CSMD2: variants seen among roughly 807,000 people sequenced by gnomAD.
CSMD2 encodes the protein CUB and Sushi multiple domains 2.
A neutral mutation model predicts 398.5 loss-of-function variants in CSMD2; 130 were observed. The ratio of observed to expected loss-of-function variants is 0.33; its 90% CI spans 0.28 to 0.38. CSMD2 has a LOEUF of 0.38. Ranked by LOEUF, CSMD2 falls within the 10% of genes least tolerant of loss-of-function variation. CSMD2 has a pLI of 1.00. For missense variants in CSMD2, 3,829 were observed against 4,764.9 expected, an observed-to-expected ratio of 0.80 and a Z score of 5.78; for synonymous variants, 1,828 against 1,908.5, an observed-to-expected ratio of 0.96 and a Z score of 1.10.
At chr1:33,697,867 C>T (rs1222215532) in intron 24 of CSMD2, among the ~76,000 whole-genome samples, 2 of 152,216 alleles carry the variant, frequency 1.3e-5, no homozygotes, top group Non-Finnish European at 2.9e-5. Context: ...CCCAGACATA[C>T]ATGTGCACCA....
At chr1:33,913,933 C>T (rs1319651498) in intron 5 of CSMD2, among the ~76,000 whole-genome samples, 1 of 152,000 alleles carries the variant, frequency 6.6e-6, no homozygotes, top group Non-Finnish European at 1.5e-5. Flanking sequence ...ATTTTCTCAA[C>T]CAATGGAGAG....
At chr1:33,938,889 T>C (rs574151937) in intron 3 of CSMD2, among the ~76,000 whole-genome samples, 1 of 152,242 alleles carries the variant, frequency 6.6e-6, no homozygotes, top group Admixed American at 6.5e-5. Flanking sequence ...CCCATGTTGC[T>C]GGCTTACTTG....
At chr1:33,668,213 G>C (rs902562431) in intron 25 of CSMD2, among the ~76,000 whole-genome samples, 6 of 152,216 alleles carry the variant, frequency 3.9e-5, no homozygotes, top group Admixed American at 3.3e-4. Context: ...GGCAGGGGCA[G>C]GGCTGGCGGG....
At chr1:33,765,650 G>A (rs1371709935) in intron 13 of CSMD2, among the ~76,000 whole-genome samples, 1 of 152,136 alleles carries the variant, frequency 6.6e-6, no homozygotes, top group African/African-American at 2.4e-5. Context: ...GAATAACTTT[G>A]TCAGCTTTGA....
At chr1:33,924,207 TAA>T (rs532682769) in intron 4 of CSMD2, among the ~76,000 whole-genome samples, 1 of 145,716 alleles carries the variant, frequency 6.9e-6, no homozygotes. Context: ...TTCACTCTTC[TAA>T]AAAAAAAAAA....
intron 1 of CSMD2, 79 bp from the exon 2 acceptor site, chr1:34,089,272 A>G: frequency 1.5e-6 from 2 of 1,364,068 alleles, no homozygotes; most frequent in Non-Finnish European, 2.0e-6. Context: ...GCAATGTGTT[A>G]GCAAATCATG....
intron 12 of CSMD2, among the ~76,000 whole-genome samples, chr1:33,788,223 C>T (rs1327128087): frequency 6.6e-6 from 1 of 151,944 alleles, no homozygotes; most frequent in African/African-American, 2.4e-5. Flanking sequence ...ACCAGGATCC[C>T]GTGGCCGGGC....
intron 6 of CSMD2, among the ~76,000 whole-genome samples, chr1:33,827,712 T>C (rs938871770): frequency 1.3e-5 from 2 of 152,228 alleles, no homozygotes; most frequent in Non-Finnish European, 2.9e-5. Flanking sequence ...CCTTATACTT[T>C]CAACAACCTT....
intron 64 of CSMD2, among the ~76,000 whole-genome samples, chr1:33,531,130 A>G (rs1171962446): frequency 1.3e-5 from 2 of 152,232 alleles, no homozygotes; most frequent in African/African-American, 2.4e-5. Context: ...TGGCAAGTAT[A>G]TGAAGTTAAT....
intron 44 of CSMD2, chr1:33,592,301 A>G (rs1416702601): frequency 4.3e-6 from 3 of 704,640 alleles, no homozygotes; most frequent in Non-Finnish European, 7.9e-6. Flanking sequence ...TTGGATTTTT[A>G]TCTTTTCAGG....
intron 15 of CSMD2, among the ~76,000 whole-genome samples, chr1:33,728,269 CAA>C (rs1404380853): frequency 6.6e-6 from 1 of 151,962 alleles, no homozygotes; most frequent in Non-Finnish European, 1.5e-5. Flanking sequence ...TCTCTCTCTG[CAA>C]AGTTTTGTAG....
chr1:33,933,517 A>T (rs1644376383), intron 4 of CSMD2, among the ~76,000 whole-genome samples: 1 of 152,218 alleles, frequency 6.6e-6, no homozygotes, highest in Non-Finnish European at 1.5e-5. Context: ...TTCATAACTT[A>T]GACACTTGAT....
At chr1:33,956,224 A>G (rs1023934306) in intron 3 of CSMD2, among the ~76,000 whole-genome samples, 12 of 151,898 alleles carry the variant, frequency 7.9e-5, no homozygotes. Flanking sequence ...AAAAAAAAGA[A>G]TATTCACATT....
At chr1:33,876,534 G>T (rs112007049) in intron 5 of CSMD2, among the ~76,000 whole-genome samples, 1 of 152,216 alleles carries the variant, frequency 6.6e-6, no homozygotes, top group Non-Finnish European at 1.5e-5. Context: ...GCCAGGCACT[G>T]TTCTAAGTCC....
chr1:33,800,124 A>T (rs1033274069), intron 10 of CSMD2, among the ~76,000 whole-genome samples: 3 of 152,174 alleles, frequency 2.0e-5, no homozygotes, highest in Non-Finnish European at 4.4e-5. Flanking sequence ...TGAGCCCCTG[A>T]GGGCTGACCT....
intron 25 of CSMD2, among the ~76,000 whole-genome samples, chr1:33,674,432 A>G (rs968332884): frequency 6.6e-6 from 1 of 152,170 alleles, no homozygotes; most frequent in African/African-American, 2.4e-5. Context: ...TATGCACCCA[A>G]TACAGGAGCA....
chr1:33,871,416 G>C (rs1434069455), intron 5 of CSMD2, among the ~76,000 whole-genome samples: 6 of 152,158 alleles, frequency 3.9e-5, no homozygotes, highest in Non-Finnish European at 7.4e-5. Flanking sequence ...AAACTAGAAT[G>C]TCTTTGTCCA....
chr1:33,998,241 G>A (rs1166442901), intron 3 of CSMD2, among the ~76,000 whole-genome samples: 1 of 152,032 alleles, frequency 6.6e-6, no homozygotes, highest in African/African-American at 2.4e-5. Context: ...CTCTGTGCTG[G>A]ATGGTGCCCT....
At chr1:33,602,656 A>G in intron 42 of CSMD2, 110 bp from the exon 43 acceptor site, 4 of 1,014,372 alleles carry the variant, frequency 3.9e-6, no homozygotes, top group Non-Finnish European at 5.6e-6. Context: ...CCTGTCAGGG[A>G]GGTTGGGTGG....
Sources: gnomAD v4.1 joint callset for allele counts (sites outside exome capture counted in the v4.1 genomes callset) on GRCh38, gnomAD v4.1.1 for gene constraint, MANE v1.5 for transcripts, NCBI Gene and HGNC (gene_info 2026-07-23, HGNC 2026-07-21) for gene names.